The following TVP23A variants were observed in gnomAD, a reference collection of about 807,000 sequenced individuals.
TVP23A encodes Golgi apparatus membrane protein TVP23 homolog A.
TVP23A carries 21 observed loss-of-function variants against 31.7 expected under a neutral mutation model. That is an observed-to-expected ratio of 0.66 (90% CI 0.47 to 0.95). The LOEUF is 0.95. TVP23A is among the 40% of genes least tolerant of loss of function. The pLI, the probability that TVP23A is intolerant of heterozygous loss-of-function variation, is 0.00. For synonymous variants in TVP23A, 104 were observed against 96.0 expected, an observed-to-expected ratio of 1.08 and a Z score of -0.49; for missense variants, 279 against 255.6, an observed-to-expected ratio of 1.09 and a Z score of -0.62.
chr16:10,769,583 C>T (rs1332468412), intron 7 of TVP23A: 1 of 156,370 alleles, frequency 6.4e-6, no homozygotes, highest in African/African-American at 2.4e-5. Context: ...GAGGAAAAAT[C>T]TAAAAGCAAC....
At chr16:10,787,149 G>A (rs559681197) in intron 2 of TVP23A, among the ~76,000 whole-genome samples, 2 of 152,268 alleles carry the variant, frequency 1.3e-5, no homozygotes, top group South Asian at 2.1e-4. Flanking sequence ...CCAGCCCCAC[G>A]CTCCTGCTCC....
At position 10,774,951 on chromosome 16, in the gene TVP23A, C is replaced by A. The variant is rs764730895; in HGVS notation, c.234+1G>T. 16 of 1,612,410 alleles carry A rather than the reference C, an allele frequency of 9.9e-6. No homozygotes were observed. Among genetic ancestry groups the A allele is most frequent in the Non-Finnish European group, 1.2e-5 (14 of 1,179,174 alleles). ...GATGACATCACACGAAAGGGCCTCA[C>A]CTTCACAGACCAGAAGTCCAGGGAC... is the stretch of plus-strand genomic sequence containing the variant. On this transcript the variant is annotated splice_donor_variant, in intron 3 of 7. Coordinates refer to ENST00000299866, the MANE Select transcript of TVP23A (RefSeq NM_001079512.4). LOFTEE classifies it high-confidence loss of function.
chr16:10,802,258 G>C (rs907851545), intron 2 of TVP23A, among the ~76,000 whole-genome samples: 1 of 134,284 alleles, frequency 7.4e-6, no homozygotes, highest in Non-Finnish European at 1.5e-5. Context: ...GTGTGTGTGT[G>C]TGTGTGTGTG....
downstream of TVP23A, among the ~76,000 whole-genome samples, chr16:10,764,685 G>A (rs2030589866): frequency 6.6e-6 from 1 of 151,186 alleles, no homozygotes; most frequent in Admixed American, 6.6e-5. Context: ...GTCTGCTGGA[G>A]TAGGTCTATT....
At chr16:10,790,762 T>A (rs2033061263) in intron 2 of TVP23A, among the ~76,000 whole-genome samples, 1 of 152,112 alleles carries the variant, frequency 6.6e-6, no homozygotes, top group Non-Finnish European at 1.5e-5. Context: ...AGGAAAAAAA[T>A]TAGAGTTTAG....
intron 2 of TVP23A, among the ~76,000 whole-genome samples, chr16:10,807,220 G>A (rs545530209): frequency 6.6e-6 from 1 of 152,288 alleles, no homozygotes; most frequent in African/African-American, 2.4e-5. Context: ...GTGGGAGCAT[G>A]ATGTGTGTGC....
Position 10,774,957 on chromosome 16 carries a change from C to A in TVP23A, c.229G>T (p.Val77Leu), listed in dbSNP as rs1180172789. 1 of 1,612,786 alleles carries A rather than the reference C, an allele frequency of 6.2e-7. No individual in the cohort carries two copies. The highest frequency in any genetic ancestry group is 1.7e-5 in the Admixed American group (1 of 59,868). ...LLLLSLDFWS[V>L]KNVTGRLLVG... is the part of the protein sequence containing the mutation. The stretch of plus-strand genomic sequence containing the variant: ...ATCACACGAAAGGGCCTCACCTTCA[C>A]AGACCAGAAGTCCAGGGACAGGAGG... Residue 77 changes from valine to leucine, a missense_variant, in exon 3 of 8, where the codon GTG becomes TTG. Physicochemically the swap from Val to Leu is conservative, Grantham distance 32. Transcript: ENST00000299866.
At position 10,818,186 on chromosome 16, in the gene TVP23A, G is replaced by T; in HGVS notation, c.10-4C>A. ...CCTCGGTATCGTCCACCAGGGCCTGGGAGGAGAGCAAGGGCAGGTGGCAGG... is the reference window on the plus strand; with the variant it reads ...CCTCGGTATCGTCCACCAGGGCCTGTGAGGAGAGCAAGGGCAGGTGGCAGG... On this transcript the variant is annotated splice_polypyrimidine_tract_variant and splice_region_variant and intron_variant, in intron 1 of 7. Transcript: ENST00000299866. This position sits in a 1 kb window ranked among gnomAD's most constrained non-coding sequence, Gnocchi z 4.7. The T allele has an allele frequency of 1.2e-6, 2 of 1,602,056 alleles. No individual in the cohort carries two copies. Among genetic ancestry groups the T allele is most frequent in the Non-Finnish European group, 1.7e-6 (2 of 1,174,426 alleles).
intron 2 of TVP23A, among the ~76,000 whole-genome samples, chr16:10,803,676 T>C (rs984511041): frequency 6.6e-6 from 1 of 152,084 alleles, no homozygotes; most frequent in Non-Finnish European, 1.5e-5. Context: ...CCCAGCAGGG[T>C]ATCCATGAGG....
downstream of TVP23A, chr16:10,761,222 A>C: frequency 1.5e-6 from 1 of 655,812 alleles, no homozygotes; most frequent in Non-Finnish European, 2.6e-6. Context: ...GGATGGGGAC[A>C]CAGAGCCAAA....
At chr16:10,802,161 G>A (rs2033725483) in intron 2 of TVP23A, among the ~76,000 whole-genome samples, 1 of 151,222 alleles carries the variant, frequency 6.6e-6, no homozygotes, top group Admixed American at 6.6e-5. Context: ...GAAGCCAACT[G>A]GAAGAGGCTC....
At chr16:10,758,824 G>C (rs1490541693), downstream of TVP23A, among the ~76,000 whole-genome samples, 2 of 152,168 alleles carry the variant, frequency 1.3e-5, no homozygotes, top group African/African-American at 4.8e-5. Context: ...CTTCCGTAGT[G>C]ACACCCAGCA....
chr16:10,778,128 A>G (rs2032184622), intron 2 of TVP23A, among the ~76,000 whole-genome samples: 1 of 152,086 alleles, frequency 6.6e-6, no homozygotes, highest in Non-Finnish European at 1.5e-5. Context: ...GAAGTCAGGA[A>G]TTCAAGACCA....
intron 6 of TVP23A, 24 bp from the exon 7 acceptor site, chr16:10,770,355 G>A (rs1327887275): frequency 2.6e-6 from 4 of 1,549,938 alleles, no homozygotes; most frequent in Non-Finnish European, 3.5e-6. Flanking sequence ...AGTCAACCAT[G>A]GTTTTCTGTC....
chr16:10,818,009 A>G lies in TVP23A; in HGVS notation c.89+94T>C. The G allele has an allele frequency of 9.1e-7, 1 of 1,102,420 alleles. No homozygotes were observed. Among genetic ancestry groups the G allele is most frequent in the African/African-American group, 1.5e-5 (1 of 64,586 alleles). The allele number at this position is 1,102,420 out of a possible 1,614,324, so 68.3% of individuals were successfully genotyped here. A position where few individuals can be genotyped will look rare whatever the true frequency, so the allele number is the denominator to read the frequency against. On this transcript the variant is annotated intron_variant, in intron 2 of 7. Transcript: ENST00000299866. This position sits in a 1 kb window ranked among gnomAD's most constrained non-coding sequence, Gnocchi z 4.7. ...GTCCCCAGCCCCAGACCTGGCACAC[A>G]GTAGGTGCTCAATATATTTTGAATG...
chr16:10,758,176 G>T (rs1092688), downstream of TVP23A: 450,404 of 847,970 alleles, frequency 0.53, 126,360 homozygotes, highest in African/African-American at 0.81. Flanking sequence ...CAGAAACCTC[G>T]TGTTAAAAAC....
At chr16:10,812,083 C>A (rs1041973853) in intron 2 of TVP23A, among the ~76,000 whole-genome samples, 1 of 151,640 alleles carries the variant, frequency 6.6e-6, no homozygotes, top group Non-Finnish European at 1.5e-5. Flanking sequence ...TTAAAAAAAA[C>A]GGGCAAGAGA....
downstream of TVP23A, among the ~76,000 whole-genome samples, chr16:10,758,658 C>G (rs3790123): frequency 3.9e-3 from 599 of 152,244 alleles, 8 homozygotes; most frequent in East Asian, 0.03. Context: ...GCTGCCTGGC[C>G]CCGTCAGCCT....
At chr16:10,803,988 C>G (rs546340461) in intron 2 of TVP23A, among the ~76,000 whole-genome samples, 1 of 152,224 alleles carries the variant, frequency 6.6e-6, no homozygotes, top group East Asian at 1.9e-4. Context: ...AAATCTATCT[C>G]AATTAAAAAA....
Sources: gnomAD v4.1 joint callset for allele counts (sites outside exome capture counted in the v4.1 genomes callset) on GRCh38, gnomAD v4.1.1 for gene constraint, Gnocchi (gnomAD v3.1) non-coding constraint, MANE v1.5 for transcripts, NCBI Gene and HGNC (gene_info 2026-07-23, HGNC 2026-07-21) for gene names.